The following CCNH variants were observed in gnomAD, a reference collection of about 807,000 sequenced individuals.
CCNH encodes cyclin-H.
A neutral mutation model predicts 41.9 loss-of-function variants in CCNH; 31 were observed. The observed-to-expected ratio is 0.74, with a 90% CI of 0.56 to 1.00. The LOEUF (loss-of-function observed/expected upper bound fraction) is 1.00. Ranked by LOEUF, CCNH falls within the 50% of genes least tolerant of loss-of-function variation. The pLI is 0.00. For missense variants in CCNH, 362 were observed against 388.4 expected (o/e 0.93, Z 0.57); for synonymous variants, 138 against 136.1 (o/e 1.01, Z -0.10).
At chr5:87,331,081 A>G in intron 9 of CCNH, 1 of 992,732 alleles carries the variant, frequency 1.0e-6, no homozygotes, top group South Asian at 1.7e-5. Flanking sequence ...GCAATCCTGG[A>G]AGTAGGGAGA....
chr5:87,390,436 C>T (rs1472045355), downstream of CCNH, among the ~76,000 whole-genome samples: 2 of 151,804 alleles, frequency 1.3e-5, no homozygotes, highest in South Asian at 2.1e-4. Flanking sequence ...CCCCTCCCCC[C>T]GCAGCTTTCA....
chr5:87,406,139 C>T (rs1763773168), intron 4 of CCNH, among the ~76,000 whole-genome samples: 1 of 152,156 alleles, frequency 6.6e-6, no homozygotes, highest in African/African-American at 2.4e-5. Flanking sequence ...TTCCTGTCAA[C>T]ACCAAATCCT....
chr5:87,394,743 T>A, intron 8 of CCNH: 2 of 1,328,134 alleles, frequency 1.5e-6, no homozygotes, highest in Non-Finnish European at 1.9e-6. Flanking sequence ...AGAAAATTTT[T>A]TTTAAAAGGG....
At chr5:87,376,123 T>C, downstream of CCNH, 5 of 483,298 alleles carry the variant, frequency 1.0e-5, no homozygotes, top group South Asian at 8.6e-5. Flanking sequence ...TGAAACATAA[T>C]TGATTTCTTG....
At chr5:87,353,540 C>T (rs1284496252) in intron 9 of CCNH, among the ~76,000 whole-genome samples, 2 of 151,740 alleles carry the variant, frequency 1.3e-5, no homozygotes, top group African/African-American at 2.4e-5. Flanking sequence ...AAACCACAGC[C>T]AGGATTATTA....
intron 3 of CCNH, 41 bp from the exon 4 acceptor site, chr5:87,408,227 G>T: frequency 1.0e-6 from 1 of 964,478 alleles, no homozygotes; most frequent in Non-Finnish European, 1.6e-6. Context: ...GGGGGTGGGT[G>T]GGGTGGAAGA....
In CCNH at chr5:87,383,350, TC is replaced by T. The variant is rs577350627; in HGVS notation, c.*90+9419del. On this transcript the variant is annotated intron_variant and NMD_transcript_variant, in intron 9 of 9. Coordinates refer to the CCNH transcript ENST00000645953. The stretch of plus-strand genomic sequence containing the variant: ...TCTACTCCTGTGGTATTTCAGAAAT[TC>T]TTAAGATTCCTGAGGATACTACTTT... Among the ~76,000 whole-genome samples the T allele has an allele frequency of 4.6e-5, 7 of 152,272 alleles. No homozygotes were observed. The East Asian group carries it at 1.4e-3, about 29-fold the overall frequency.
downstream of CCNH, among the ~76,000 whole-genome samples, chr5:87,389,764 A>AAAAC (rs1471573167): frequency 6.6e-6 from 1 of 152,226 alleles, no homozygotes; most frequent in African/African-American, 2.4e-5. Context: ...ATTCTACTGG[A>AAAAC]AAACAGTGTA....
rs540696741 is a variant in CCNH at position 87,328,815 on chromosome 5, G to A, written c.*91-9918C>T. ...TGTTTTTGAGTAAACCCAAGGACTG[G>A]TGTTTAAAGGTTATATAGTATTTTA... is the stretch of plus-strand genomic sequence containing the variant. On this transcript the variant is annotated intron_variant and NMD_transcript_variant, in intron 9 of 9. Coordinates refer to the CCNH transcript ENST00000645953. 5.9e-5 allele frequency among the ~76,000 whole-genome samples: 9 copies of A among 152,226 alleles called. No individual in the cohort carries two copies. The South Asian group carries it at 1.9e-3, about 32-fold the overall frequency.
rs549236643 is a variant in CCNH, at chr5:87,412,928, G to A, written c.-134C>T. ...GCGTCCGGCTAGCCGGCGCTGGCGC[G>A]CTGTCGTCACGATTACGCGGCCAGC... On this transcript the variant is annotated 5_prime_UTR_variant, in exon 1 of 9. Coordinates refer to ENST00000256897, the MANE Select transcript of CCNH (RefSeq NM_001239.4). 7.5e-6 allele frequency: 11 copies of A among 1,461,380 alleles called. No homozygotes were observed. The East Asian group carries it at 2.2e-4, about 29-fold the overall frequency. 90.5% of individuals were successfully genotyped at this position (1,461,380 alleles called of 1,614,324 possible). A position where few individuals can be genotyped will look rare whatever the true frequency, so the allele number is the denominator to read the frequency against.
At chr5:87,362,915 T>C (rs928267467) in intron 9 of CCNH, among the ~76,000 whole-genome samples, 1 of 151,560 alleles carries the variant, frequency 6.6e-6, no homozygotes, top group Non-Finnish European at 1.5e-5. Context: ...TCTTTTTTTT[T>C]TTTGAGGAAC....
intron 9 of CCNH, among the ~76,000 whole-genome samples, chr5:87,345,965 T>C (rs1429106626): frequency 7.2e-5 from 11 of 152,152 alleles, no homozygotes; most frequent in Admixed American, 4.6e-4. Context: ...TAATTACTTT[T>C]TAAATCAGAT....
At chr5:87,391,026 A>G (rs1043376202), downstream of CCNH, 63 of 831,112 alleles carry the variant, frequency 7.6e-5, no homozygotes, top group East Asian at 5.3e-4. Context: ...ACAAAATCCA[A>G]GATTCTGCTG....
chr5:87,317,045 G>C (rs1045377213), downstream of CCNH, among the ~76,000 whole-genome samples: 1 of 152,058 alleles, frequency 6.6e-6, no homozygotes, highest in Non-Finnish European at 1.5e-5. Context: ...ACTACACCCA[G>C]CTAATTTTTG....
chr5:87,320,517 C>T (rs1010238275), intron 9 of CCNH, among the ~76,000 whole-genome samples: 2 of 152,164 alleles, frequency 1.3e-5, no homozygotes, highest in Non-Finnish European at 2.9e-5. Context: ...AAAGGGGAAG[C>T]AAGAACATCT....
Position 87,411,240 on chromosome 5 carries a change from A to G in CCNH, c.224T>C (p.Met75Thr), listed in dbSNP as rs1580469569. 6.2e-7 allele frequency: 1 copy of G among 1,612,032 alleles called. No homozygotes were observed. The highest frequency in any genetic ancestry group is 2.2e-5 in the East Asian group (1 of 44,776). The change falls in exon 2 of 9, where the codon ATG (methionine) becomes ACG (threonine). Residue 75 changes from methionine to threonine, a missense_variant. By Grantham distance (81) the Met-to-Thr change is moderately conservative. Transcript: ENST00000256897. ...GTAACTTACCACAACAGATCTTGGCATTGCTGGCTTAAACACCGAACAGAA... is the reference window on the plus strand; with the variant it reads ...GTAACTTACCACAACAGATCTTGGCGTTGCTGGCTTAAACACCGAACAGAA... ...LEFCSVFKPA[M>T]PRSVVGTACM...
At chr5:87,374,355 C>A (rs1304352845), downstream of CCNH, 2 of 1,566,976 alleles carry the variant, frequency 1.3e-6, no homozygotes, top group Non-Finnish European at 1.7e-6. Context: ...TAATCATTTT[C>A]TTTTACCATA....
chr5:87,411,453 G>T, intron 1 of CCNH, 107 bp from the exon 2 acceptor site: 1 of 998,100 alleles, frequency 1.0e-6, no homozygotes, highest in South Asian at 2.1e-5. Flanking sequence ...TCCAACGAAG[G>T]GTATATATCA....
chr5:87,346,616 ATAT>A, intron 9 of CCNH: 1 of 1,130,690 alleles, frequency 8.8e-7, no homozygotes, highest in Non-Finnish European at 1.3e-6. Flanking sequence ...AATTTTGATC[ATAT>A]GATAACAGCA....
Sources: allele counts gnomAD v4.1 joint callset (sites outside exome capture counted in the v4.1 genomes callset), GRCh38; gene constraint gnomAD v4.1.1; transcripts MANE v1.5; gene names NCBI Gene and HGNC (gene_info 2026-07-23, HGNC 2026-07-21).